NPTN: variants seen among roughly 807,000 people sequenced by gnomAD.
NPTN encodes neuroplastin.
Under a neutral mutation model 42.7 loss-of-function variants are expected in NPTN, and 5 were observed. That is an observed-to-expected ratio of 0.12 (90% CI 0.06 to 0.25). The LOEUF is 0.25. Among genes scored for constraint, NPTN ranks in the 10% least tolerant of loss-of-function variants. The probability of loss-of-function intolerance (pLI) is 1.00; values close to 1 mark genes in which losing one functional copy is unlikely to be tolerated. For synonymous variants in NPTN, 180 were observed against 201.9 expected (o/e 0.89, Z 0.92); for missense variants, 307 against 525.4 (o/e 0.58, Z 4.06).
At position 73,633,196 on chromosome 15, in the gene NPTN, G is replaced by A; in HGVS notation, c.20C>T (p.Pro7Leu). 1 of 1,531,244 alleles carries A rather than the reference G, an allele frequency of 6.5e-7. No individual in the cohort carries two copies. The highest frequency in any genetic ancestry group is 8.7e-7 in the Non-Finnish European group (1 of 1,144,276). 94.9% of individuals were successfully genotyped at this position (1,531,244 alleles called of 1,614,324 possible). Residue 7 changes from proline (P) to leucine (L), a missense_variant, in exon 1 of 9, where the codon CCC (proline) becomes CTC (leucine). By Grantham distance (98) the Pro-to-Leu change is moderately conservative. This residue lies in a region of NPTN where 43 missense variants were observed against 34.3 expected (regional missense o/e 1.25). Transcript: ENST00000345330. Reference sequence around the variant, plus strand: ...CAACAGCGAGAGGGCCAGGGCGCTGGGCAGCGACGAACCCGACATCCTCCC... The same window carrying A: ...CAACAGCGAGAGGGCCAGGGCGCTGAGCAGCGACGAACCCGACATCCTCCC... MSGSSL[P>L]SALALSLLLV...
chr15:73,586,127 A>G (rs1595920107), intron 4 of NPTN, among the ~76,000 whole-genome samples: 1 of 151,816 alleles, frequency 6.6e-6, no homozygotes, highest in African/African-American at 2.4e-5. Context: ...TAGACACCCC[A>G]CTCTTTCCTT....
intron 1 of NPTN, among the ~76,000 whole-genome samples, chr15:73,632,263 C>T (rs770945170): frequency 6.6e-6 from 1 of 151,120 alleles, no homozygotes; most frequent in Non-Finnish European, 1.5e-5. Flanking sequence ...CGTCTTCCCC[C>T]ACCCCCATCT....
chr15:73,578,397 T>C (rs1391210031), intron 4 of NPTN, among the ~76,000 whole-genome samples: 1 of 151,816 alleles, frequency 6.6e-6, no homozygotes, highest in Non-Finnish European at 1.5e-5. Context: ...ACAGTGGAAA[T>C]AAGGAGAAAT....
At chr15:73,566,279 G>A (rs182017057) in intron 6 of NPTN, among the ~76,000 whole-genome samples, 6 of 152,250 alleles carry the variant, frequency 3.9e-5, no homozygotes, top group Admixed American at 2.6e-4. Context: ...TTTGACCAAC[G>A]AATAGATTTT....
At position 73,570,522 on chromosome 15, in the gene NPTN, G is replaced by T; in HGVS notation, c.841-99C>A. 9.6e-7 allele frequency: 1 copy of T among 1,040,440 alleles called. No individual in the cohort carries two copies. Among genetic ancestry groups the T allele is most frequent in the Non-Finnish European group, 1.4e-6 (1 of 697,640 alleles). The allele number at this position is 1,040,440 out of a possible 1,614,324, so 64.5% of individuals were successfully genotyped here. On this transcript the variant is annotated intron_variant, in intron 5 of 8. Transcript: ENST00000345330. This position sits in a 1 kb window ranked among gnomAD's most constrained non-coding sequence, Gnocchi z 4.0. The stretch of plus-strand genomic sequence containing the variant: ...CTCCGTTCTTTTTAGGCACCAGCCA[G>T]AATGAGGAAGCAGTGTCTAGGAACA...
At chr15:73,620,014 G>C (rs1898058824) in intron 1 of NPTN, among the ~76,000 whole-genome samples, 1 of 152,134 alleles carries the variant, frequency 6.6e-6, no homozygotes, top group Admixed American at 6.5e-5. Context: ...GAGATTAAGA[G>C]ATTTGCCAAA....
chr15:73,613,718 C>T (rs1897711627), intron 1 of NPTN, among the ~76,000 whole-genome samples: 1 of 152,022 alleles, frequency 6.6e-6, no homozygotes, highest in African/African-American at 2.4e-5. Context: ...CAGAGTCTCG[C>T]TCTGTCGCCC....
chr15:73,591,270 T>C (rs1254026569), intron 3 of NPTN, among the ~76,000 whole-genome samples: 2 of 152,214 alleles, frequency 1.3e-5, no homozygotes, highest in Non-Finnish European at 2.9e-5. Flanking sequence ...TTGCACTGCA[T>C]TAACCTTCTA....
chr15:73,567,390 G>C (rs1895091089), intron 6 of NPTN: 1 of 985,254 alleles, frequency 1.0e-6, no homozygotes, highest in African/African-American at 1.7e-5. Flanking sequence ...TTATCTGATA[G>C]GTAAACACTT....
At chr15:73,584,565 C>T (rs1206668479) in intron 4 of NPTN, among the ~76,000 whole-genome samples, 1 of 151,808 alleles carries the variant, frequency 6.6e-6, no homozygotes, top group East Asian at 1.9e-4. Flanking sequence ...ACAGAGATGC[C>T]CTCCTCAGTA....
At chr15:73,596,923 A>G in intron 2 of NPTN, 99 bp downstream of exon 2, 2 of 951,310 alleles carry the variant, frequency 2.1e-6, no homozygotes, top group Non-Finnish European at 1.6e-6. Flanking sequence ...GGGTGGGGTG[A>G]GTGATCATAC....
chr15:73,580,410 AATAT>A (rs1491283581), intron 4 of NPTN, among the ~76,000 whole-genome samples: 1 of 100,770 alleles, frequency 9.9e-6, no homozygotes, highest in South Asian at 2.9e-4. Flanking sequence ...TTATATATAT[AATAT>A]ATATATAATA....
intron 2 of NPTN, among the ~76,000 whole-genome samples, chr15:73,594,950 T>TAAA (rs1452538918): frequency 6.8e-6 from 1 of 146,682 alleles, no homozygotes. Context: ...CCAGGGTGTT[T>TAAA]TAAAAAAAAA....
intron 1 of NPTN, among the ~76,000 whole-genome samples, chr15:73,626,280 C>T (rs535810517): frequency 2.0e-5 from 3 of 152,312 alleles, no homozygotes; most frequent in East Asian, 3.9e-4. Context: ...TATAAGATCT[C>T]TGCATAACAG....
At chr15:73,568,454 G>C (rs1337981930) in intron 6 of NPTN, 1 of 985,282 alleles carries the variant, frequency 1.0e-6, no homozygotes, top group Non-Finnish European at 1.2e-6. Flanking sequence ...CCCTTTTCAG[G>C]AATGAGGCAT....
intron 6 of NPTN, chr15:73,566,934 C>T: frequency 1.3e-6 from 1 of 754,152 alleles, no homozygotes; most frequent in Non-Finnish European, 1.6e-6. Context: ...TAAAGGAATG[C>T]AGGTGGGTGT....
chr15:73,568,444 C>T (rs1895165737), intron 6 of NPTN: 1 of 985,250 alleles, frequency 1.0e-6, no homozygotes, highest in Admixed American at 6.2e-5. Context: ...GATAAAAAGG[C>T]CCTTTTCAGG....
chr15:73,614,309 G>A (rs13379606), intron 1 of NPTN, among the ~76,000 whole-genome samples: 1 of 139,096 alleles, frequency 7.2e-6, no homozygotes, highest in Admixed American at 7.6e-5. Context: ...AACAGAAGTA[G>A]ACCCTGTCTT....
intron 1 of NPTN, among the ~76,000 whole-genome samples, chr15:73,628,510 G>C (rs532652406): frequency 6.6e-6 from 1 of 152,084 alleles, no homozygotes; most frequent in African/African-American, 2.4e-5. Context: ...CTCTTGTATG[G>C]TATCCAACAT....
Sources: allele counts gnomAD v4.1 joint callset (sites outside exome capture counted in the v4.1 genomes callset), GRCh38; gene constraint gnomAD v4.1.1; regional missense constraint gnomAD v4.1.1; non-coding constraint Gnocchi (gnomAD v3.1); transcripts MANE v1.5; gene names NCBI Gene and HGNC (gene_info 2026-07-23, HGNC 2026-07-21).